PDE1C: variants seen among roughly 807,000 people sequenced by gnomAD.
PDE1C encodes the protein dual specificity calcium/calmodulin-dependent 3',5'-cyclic nucleotide phosphodiesterase 1C.
Under a neutral mutation model 93.1 loss-of-function variants are expected in PDE1C, and 62 were observed. The observed-to-expected ratio is 0.67, with a 90% CI of 0.54 to 0.82. The LOEUF (loss-of-function observed/expected upper bound fraction) is 0.82. Among genes scored for constraint, PDE1C ranks in the 40% least tolerant of loss-of-function variants. PDE1C has a pLI of 0.00. For missense variants in PDE1C, 742 were observed against 884.6 expected, an observed-to-expected ratio of 0.84 and a Z score of 2.04; for synonymous variants, 325 against 310.1, an observed-to-expected ratio of 1.05 and a Z score of -0.50.
At chr7:31,707,270 A>G in the PDE1C span, 2 of 1,613,716 alleles carry the variant, frequency 1.2e-6, no homozygotes. Flanking sequence ...GATGGTGACA[A>G]GATAGCTATT....
intron 1 of PDE1C, among the ~76,000 whole-genome samples, chr7:32,415,753 C>T (rs1173586124): frequency 6.6e-6 from 1 of 152,152 alleles, no homozygotes; most frequent in East Asian, 1.9e-4. Context: ...CCCTCGGGAG[C>T]ACACAATTAG....
intron 2 of PDE1C, among the ~76,000 whole-genome samples, chr7:32,180,211 G>A (rs1454054741): frequency 6.6e-6 from 1 of 152,074 alleles, no homozygotes; most frequent in African/African-American, 2.4e-5. Context: ...ACTGGTTTTA[G>A]GAACTTTTCC....
Position 32,070,372 on chromosome 7 carries a change from T to G in PDE1C, c.22A>C (p.Ile8Leu), listed in dbSNP as rs1265024102. 6.2e-7 allele frequency: 1 copy of G among 1,614,062 alleles called. No homozygotes were observed. Among genetic ancestry groups the G allele is most frequent in the African/African-American group, 1.3e-5 (1 of 74,936 alleles). Residue 8 changes from isoleucine (I) to leucine (L), a missense_variant, in exon 1 of 18, where the codon ATT (isoleucine) becomes CTT (leucine). Transcript: ENST00000396191. ...AGAGAGTTGCTCTCAAATTCTTCAA[T>G]CTCCTTGGTTGGCGACTCCATAGCT... The part of the protein sequence containing the change: MESPTKE[I>L]EEFESNSLKY...
intron 3 of PDE1C, among the ~76,000 whole-genome samples, chr7:32,116,239 A>G (rs1380058317): frequency 6.6e-6 from 1 of 152,186 alleles, no homozygotes; most frequent in Non-Finnish European, 1.5e-5. Flanking sequence ...TTCTGCACCT[A>G]CAACTGTAAT....
the PDE1C span, among the ~76,000 whole-genome samples, chr7:31,694,091 TAAGGC>T: frequency 6.6e-6 from 1 of 152,188 alleles, no homozygotes; most frequent in African/African-American, 2.4e-5. Flanking sequence ...AGTTAAAAGA[TAAGGC>T]ACCTGTCAGT....
At chr7:31,972,971 C>T (rs1409502948) in intron 2 of PDE1C, among the ~76,000 whole-genome samples, 1 of 152,148 alleles carries the variant, frequency 6.6e-6, no homozygotes, top group Non-Finnish European at 1.5e-5. Flanking sequence ...GAGTGACAAC[C>T]CCATCAGCAC....
intron 1 of PDE1C, among the ~76,000 whole-genome samples, chr7:32,375,176 G>A (rs1437986248): frequency 6.6e-6 from 1 of 152,150 alleles, no homozygotes; most frequent in African/African-American, 2.4e-5. Flanking sequence ...ACCAAGAAGA[G>A]AGCTATGTAG....
At chr7:32,159,277 T>C (rs1294409058) in intron 3 of PDE1C, among the ~76,000 whole-genome samples, 2 of 152,186 alleles carry the variant, frequency 1.3e-5, no homozygotes, top group East Asian at 3.8e-4. Context: ...AGGATCATTT[T>C]CCTCTAGCAA....
chr7:32,002,484 C>T (rs760284005), intron 2 of PDE1C, among the ~76,000 whole-genome samples: 1 of 152,108 alleles, frequency 6.6e-6, no homozygotes, highest in Non-Finnish European at 1.5e-5. Context: ...ATGGGGTGAT[C>T]CAGGTACCTG....
intron 2 of PDE1C, among the ~76,000 whole-genome samples, chr7:32,005,555 C>CAAAAAAAAAAAAA (rs59246166): frequency 2.4e-3 from 121 of 50,694 alleles, no homozygotes; most frequent in East Asian, 6.4e-3. Flanking sequence ...GACTCCATTT[C>CAAAAAAAAAAAAA]AAAAAAAAAA....
the PDE1C span, chr7:31,658,401 CTTTGTTGAGAAAA>C: frequency 6.7e-7 from 1 of 1,484,842 alleles, no homozygotes; most frequent in East Asian, 2.5e-5. Flanking sequence ...AATTGTTTTT[CTTTGTTGAGAAAA>C]TAATCAGTTT....
At chr7:31,901,051 A>G (rs1799911204) in intron 2 of PDE1C, among the ~76,000 whole-genome samples, 1 of 151,598 alleles carries the variant, frequency 6.6e-6, no homozygotes, top group African/African-American at 2.4e-5. Context: ...AACAATAGCC[A>G]GGATTATATT....
At chr7:31,739,133 C>G in the PDE1C span, among the ~76,000 whole-genome samples, 1 of 150,988 alleles carries the variant, frequency 6.6e-6, no homozygotes, top group Admixed American at 6.6e-5. Flanking sequence ...TTGAGTTCTT[C>G]TTGCAGAACT....
chr7:31,938,553 A>G (rs902939040), intron 2 of PDE1C, among the ~76,000 whole-genome samples: 4 of 152,208 alleles, frequency 2.6e-5, no homozygotes, highest in South Asian at 2.1e-4. Flanking sequence ...ATGCAATACT[A>G]TAAGTATCTA....
At chr7:32,079,823 G>C (rs1471532436) in intron 3 of PDE1C, among the ~76,000 whole-genome samples, 2 of 152,198 alleles carry the variant, frequency 1.3e-5, no homozygotes, top group South Asian at 2.1e-4. Flanking sequence ...TGCTACACTG[G>C]GTTGGTTAAA....
chr7:32,298,580 AG>A lies in PDE1C; in HGVS notation c.85+70del, dbSNP rs1039177690. 7.2e-6 allele frequency: 11 copies of A among 1,523,700 alleles called. No individual in the cohort carries two copies. The African/African-American group carries it at 1.5e-4, about 21-fold the overall frequency. The allele number at this position is 1,523,700 out of a possible 1,614,324, so 94.4% of individuals were successfully genotyped here. On this transcript the variant is annotated intron_variant, in intron 1 of 18. Transcript: ENST00000396193. Reference sequence around the variant, plus strand: ...CTGAGCTCCCCCTGCCCGCTTAGAAAGGAACTCTGACCGCCACCGGAGAGGG... The same window carrying A: ...CTGAGCTCCCCCTGCCCGCTTAGAAAGAACTCTGACCGCCACCGGAGAGGG...
chr7:31,906,947 T>C lies in PDE1C; in HGVS notation c.129-26087A>G, dbSNP rs148736670. Among the ~76,000 whole-genome samples the C allele has an allele frequency of 7.9e-5, 12 of 152,262 alleles. No individual in the cohort carries two copies. The East Asian group carries it at 1.9e-3, about 25-fold the overall frequency. ...ATGTGTGCACGAATGCACGTGTGTATATACTTTGTGCCAGGTACTCTGCTG... is the reference window on the plus strand; with the variant it reads ...ATGTGTGCACGAATGCACGTGTGTACATACTTTGTGCCAGGTACTCTGCTG... On this transcript the variant is annotated intron_variant, in intron 2 of 17. Transcript: ENST00000396191.
intron 1 of PDE1C, among the ~76,000 whole-genome samples, chr7:32,289,673 A>G (rs1226809440): frequency 6.6e-6 from 1 of 152,102 alleles, no homozygotes; most frequent in Non-Finnish European, 1.5e-5. Flanking sequence ...TGAAACCCTT[A>G]CTTATTACTT....
intron 1 of PDE1C, among the ~76,000 whole-genome samples, chr7:32,258,511 C>T (rs1229952451): frequency 6.6e-6 from 1 of 152,178 alleles, no homozygotes; most frequent in Admixed American, 6.5e-5. Flanking sequence ...TGCTGAGGGA[C>T]AAGGGCAAGG....
Sources: allele counts gnomAD v4.1 joint callset (sites outside exome capture counted in the v4.1 genomes callset), GRCh38; gene constraint gnomAD v4.1.1; transcripts MANE v1.5; gene names NCBI Gene and HGNC (gene_info 2026-07-23, HGNC 2026-07-21).